WWTR1: variants seen among roughly 807,000 people sequenced by gnomAD.
The protein encoded by WWTR1 is WW domain-containing transcription regulator protein 1.
In WWTR1, 13 loss-of-function variants were observed where a neutral mutation model predicts 40.1. The ratio of observed to expected loss-of-function variants is 0.32; its 90% CI spans 0.21 to 0.52. The LOEUF (loss-of-function observed/expected upper bound fraction) is 0.52, where lower values mean the gene tolerates loss of function less well. Ranked by LOEUF, WWTR1 falls within the 20% of genes least tolerant of loss-of-function variation. WWTR1 has a pLI of 0.97. For synonymous variants in WWTR1, 230 were observed against 210.1 expected (o/e 1.09, Z -0.82); for missense variants, 436 against 523.1 (o/e 0.83, Z 1.63).
At chr3:149,532,030 G>C (rs1222828223) in intron 4 of WWTR1, among the ~76,000 whole-genome samples, 3 of 152,198 alleles carry the variant, frequency 2.0e-5, no homozygotes, top group African/African-American at 4.8e-5. Context: ...GGATGAACAG[G>C]AGGGCCGAGT....
Position 149,542,373 on chromosome 3 carries a change from C to T in WWTR1, c.733G>A (p.Glu245Lys). 6.2e-7 allele frequency: 1 copy of T among 1,614,072 alleles called. No homozygotes were observed. Among genetic ancestry groups the T allele is most frequent in the Non-Finnish European group, 8.5e-7 (1 of 1,179,960 alleles). The part of the protein sequence containing the change: ...LRLQRIQMER[E>K]RIRMRQEELM... ...TCCTCTTGGCGCATTCGAATCCTTT[C>T]TCTCTCCATCTGGATTCTCTGAAGC... is the stretch of plus-strand genomic sequence containing the variant. The change falls in exon 4 of 7, where the codon GAA becomes AAA. Residue 245 changes from glutamate (E) to lysine (K), a missense_variant. By Grantham distance (56) the Glu-to-Lys change is moderately conservative (BLOSUM62 1). Transcript: ENST00000360632.
intron 4 of WWTR1, among the ~76,000 whole-genome samples, chr3:149,540,532 T>C (rs570758442): frequency 1.5e-4 from 23 of 152,352 alleles, no homozygotes; most frequent in African/African-American, 5.3e-4. Flanking sequence ...AAACTGAGAA[T>C]GTATAAAATG....
At position 149,534,670 on chromosome 3, in the gene WWTR1, G is replaced by A. The variant is rs1012193200; in HGVS notation, c.772-6701C>T. Among the ~76,000 whole-genome samples, 13 of 152,278 alleles carry A rather than the reference G, an allele frequency of 8.5e-5. 1 individual carries two copies. The highest frequency in any genetic ancestry group is 5.9e-4 in the Admixed American group (9 of 15,308). On this transcript the variant is annotated intron_variant, in intron 4 of 6. Transcript: ENST00000360632. ...TTTCAGAAGGAAAGCTCTCCCTGCT[G>A]ACCCTGACCCAACCCTCCTCCAACA...
Position 149,656,985 on chromosome 3 carries a change from G to C in WWTR1, c.322C>G (p.Gln108Glu). 1 of 1,599,708 alleles carries C rather than the reference G, an allele frequency of 6.3e-7. No individual in the cohort carries two copies. The highest frequency in any genetic ancestry group is 8.5e-7 in the Non-Finnish European group (1 of 1,177,058). The change falls in exon 2 of 7, where the codon CAG becomes GAG. Residue 108 changes from glutamine to glutamate, a missense_variant. Transcript: ENST00000360632. ...TGAGAAGSPA[Q>E]QHAHLRQQSY... ...TGCTGGCGGAGGTGCGCGTGCTGCT[G>C]CGCGGGGCTACCCGCAGCACCCGCG...
At chr3:149,673,385 C>A (rs537306313) in intron 1 of WWTR1, among the ~76,000 whole-genome samples, 1 of 152,218 alleles carries the variant, frequency 6.6e-6, no homozygotes, top group East Asian at 1.9e-4. Flanking sequence ...TCCATGAATT[C>A]TATCTTGTGT....
At chr3:149,625,120 T>C (rs1439102970) in intron 2 of WWTR1, among the ~76,000 whole-genome samples, 1 of 136,604 alleles carries the variant, frequency 7.3e-6, no homozygotes, top group Non-Finnish European at 1.5e-5. Context: ...TTTTTTTTTT[T>C]GGTTTTTTTG....
intron 4 of WWTR1, among the ~76,000 whole-genome samples, chr3:149,536,484 G>C (rs12695938): frequency 1.4e-5 from 2 of 139,114 alleles, no homozygotes; most frequent in African/African-American, 5.6e-5. Flanking sequence ...AAAAAAAAAG[G>C]GGGGGGCCTC....
At chr3:149,536,397 G>C (rs1735834638) in intron 4 of WWTR1, among the ~76,000 whole-genome samples, 1 of 151,934 alleles carries the variant, frequency 6.6e-6, no homozygotes, top group Admixed American at 6.6e-5. Context: ...CTATGAAATA[G>C]CCTACATTTA....
At position 149,542,321 on chromosome 3, in the gene WWTR1, A is replaced by G; in HGVS notation, c.771+14T>C. 1 of 1,609,594 alleles carries G rather than the reference A, an allele frequency of 6.2e-7. No individual in the cohort carries two copies. On this transcript the variant is annotated intron_variant, in intron 4 of 6. Coordinates refer to ENST00000360632, the MANE Select transcript of WWTR1 (RefSeq NM_015472.6). The stretch of plus-strand genomic sequence containing the variant: ...GGCCAGGGAGCCTCCACCAGACACC[A>G]TGGAAAGCCATACCTGCCTCATGAG...
At chr3:149,703,923 A>T (rs1046419301), upstream of WWTR1, among the ~76,000 whole-genome samples, 13 of 152,094 alleles carry the variant, frequency 8.5e-5, no homozygotes, top group African/African-American at 3.1e-4. Flanking sequence ...GCCAAAATAA[A>T]CCTCTTTACC....
intron 2 of WWTR1, among the ~76,000 whole-genome samples, chr3:149,646,532 CCATACTTTGAGT>C (rs1392766109): frequency 2.0e-5 from 3 of 152,230 alleles, no homozygotes; most frequent in Non-Finnish European, 2.9e-5. Flanking sequence ...AGTCCATGGA[CCATACTTTGAGT>C]AGCACTAAGC....
intron 4 of WWTR1, among the ~76,000 whole-genome samples, chr3:149,540,608 T>C (rs56121066): frequency 0.045 from 6,874 of 152,286 alleles, 209 homozygotes; most frequent in Middle Eastern, 0.075. Flanking sequence ...ATAAAATTAT[T>C]ATTCAAAGAC....
At chr3:149,679,856 C>T (rs1049661593) in intron 1 of WWTR1, among the ~76,000 whole-genome samples, 1 of 152,194 alleles carries the variant, frequency 6.6e-6, no homozygotes, top group Admixed American at 6.5e-5. Flanking sequence ...ACTAGCATTT[C>T]CCAATTTTCC....
chr3:149,594,120 T>C (rs1290026536), intron 2 of WWTR1, among the ~76,000 whole-genome samples: 1 of 152,234 alleles, frequency 6.6e-6, no homozygotes, highest in African/African-American at 2.4e-5. Context: ...TTCTACTTCA[T>C]TTCTTAAAGT....
intron 1 of WWTR1, among the ~76,000 whole-genome samples, chr3:149,688,127 A>G (rs1714708946): frequency 6.6e-6 from 1 of 151,832 alleles, no homozygotes; most frequent in Non-Finnish European, 1.5e-5. Context: ...AAAGTACTAA[A>G]TAGATTCCTA....
intron 3 of WWTR1, among the ~76,000 whole-genome samples, chr3:149,557,061 CTTTTT>C (rs3044118): frequency 7.6e-3 from 486 of 64,312 alleles, no homozygotes; most frequent in South Asian, 0.037. Context: ...CTGGAATCTT[CTTTTT>C]TTTTTTTTTT....
At chr3:149,655,015 A>G (rs1215732468) in intron 2 of WWTR1, among the ~76,000 whole-genome samples, 1 of 151,996 alleles carries the variant, frequency 6.6e-6, no homozygotes, top group Non-Finnish European at 1.5e-5. Context: ...AGTCCCAGCT[A>G]CTCGGGAGGC....
chr3:149,691,971 A>G (rs573598946), intron 1 of WWTR1, among the ~76,000 whole-genome samples: 1 of 151,988 alleles, frequency 6.6e-6, no homozygotes, highest in African/African-American at 2.4e-5. Flanking sequence ...AGCCGAGATC[A>G]CGCCACTGCA....
chr3:149,709,226 C>G (rs1348553143), intron 5 of WWTR1, among the ~76,000 whole-genome samples: 1 of 150,996 alleles, frequency 6.6e-6, no homozygotes, highest in Non-Finnish European at 1.5e-5. Context: ...CTGCCTGCCT[C>G]GACTTCCCAA....
Sources: gnomAD v4.1 joint callset for allele counts (sites outside exome capture counted in the v4.1 genomes callset) on GRCh38, gnomAD v4.1.1 for gene constraint, MANE v1.5 for transcripts, NCBI Gene and HGNC (gene_info 2026-07-23, HGNC 2026-07-21) for gene names.